Variants in LRRC37A2 observed in about 807,000 individuals in gnomAD.
LRRC37A2 encodes leucine rich repeat containing 37 member A2, also known as leucine-rich repeat-containing protein 37A2.
In LRRC37A2, 9 loss-of-function variants were observed where a neutral mutation model predicts 68.8. That is an observed-to-expected ratio of 0.13 (90% CI 0.08 to 0.23). LRRC37A2 has a LOEUF of 0.23. LRRC37A2 is among the 10% of genes least tolerant of loss of function. The pLI, the probability that LRRC37A2 is intolerant of heterozygous loss-of-function variation, is 1.00. For missense variants in LRRC37A2, 168 were observed against 950.4 expected, an observed-to-expected ratio of 0.18 and a Z score of 10.82; for synonymous variants, 63 against 367.6, an observed-to-expected ratio of 0.17 and a Z score of 9.48.
At chr17:46,415,832 A>T in the LRRC37A2 span, among the ~76,000 whole-genome samples, 2 of 45,920 alleles carry the variant, frequency 4.4e-5, no homozygotes, top group African/African-American at 6.9e-5. Flanking sequence ...CTAATTTTTT[A>T]ATTTTGTGTA....
chr17:46,492,932 G>T, the LRRC37A2 span, among the ~76,000 whole-genome samples: 3 of 149,256 alleles, frequency 2.0e-5, no homozygotes, highest in Admixed American at 6.6e-5. Context: ...CTGACCTCGT[G>T]ATCCGCCCGC....
At chr17:46,792,053 AG>A in the LRRC37A2 span, among the ~76,000 whole-genome samples, 1 of 152,242 alleles carries the variant, frequency 6.6e-6, no homozygotes, top group East Asian at 1.9e-4. Flanking sequence ...ACAAAACAAA[AG>A]AAAACAACTC....
At chr17:46,744,863 A>G in the LRRC37A2 span, among the ~76,000 whole-genome samples, 1 of 152,206 alleles carries the variant, frequency 6.6e-6, no homozygotes, top group African/African-American at 2.4e-5. Context: ...GTTGCTGCTT[A>G]TGGTACTAAG....
the LRRC37A2 span, among the ~76,000 whole-genome samples, chr17:46,957,613 AAAACAAAC>A: frequency 1.7e-4 from 25 of 151,402 alleles, no homozygotes; most frequent in Non-Finnish European, 2.1e-4. Context: ...ACTTGGTCTC[AAAACAAAC>A]AAACAAACAA....
the LRRC37A2 span, among the ~76,000 whole-genome samples, chr17:46,724,826 T>C: frequency 2.0e-5 from 3 of 152,160 alleles, no homozygotes; most frequent in Non-Finnish European, 4.4e-5. Context: ...TAGGCCTTTT[T>C]TTCTTCTTCT....
At chr17:46,839,479 G>T in the LRRC37A2 span, among the ~76,000 whole-genome samples, 3 of 152,212 alleles carry the variant, frequency 2.0e-5, no homozygotes, top group African/African-American at 7.2e-5. Context: ...CACAACGCAG[G>T]CGTCAAGGCA....
the LRRC37A2 span, among the ~76,000 whole-genome samples, chr17:46,926,437 A>G: frequency 2.0e-5 from 3 of 152,070 alleles, no homozygotes; most frequent in African/African-American, 7.3e-5. Context: ...TTCTTCCTAG[A>G]TCTTCTGTAA....
At chr17:46,983,126 G>A in the LRRC37A2 span, among the ~76,000 whole-genome samples, 1 of 152,046 alleles carries the variant, frequency 6.6e-6, no homozygotes, top group Non-Finnish European at 1.5e-5. Context: ...TTCCTGGGCT[G>A]GTGCTGTAGG....
the LRRC37A2 span, among the ~76,000 whole-genome samples, chr17:46,721,077 G>C: frequency 6.6e-6 from 1 of 152,276 alleles, no homozygotes; most frequent in African/African-American, 2.4e-5. Context: ...ACCACATTCA[G>C]ACCTGCCCCT....
the LRRC37A2 span, among the ~76,000 whole-genome samples, chr17:46,855,912 C>G: frequency 6.6e-6 from 1 of 152,290 alleles, no homozygotes; most frequent in Admixed American, 6.5e-5. Context: ...TGGTCTGGAA[C>G]TCCTGACCTC....
the LRRC37A2 span, among the ~76,000 whole-genome samples, chr17:46,796,537 T>A: frequency 8.6e-5 from 13 of 151,860 alleles, no homozygotes; most frequent in Non-Finnish European, 1.8e-4. Flanking sequence ...TCAGAAGGAG[T>A]TGGATGAGAG....
At chr17:46,994,387 A>G in the LRRC37A2 span, among the ~76,000 whole-genome samples, 1 of 150,582 alleles carries the variant, frequency 6.6e-6, no homozygotes, top group Non-Finnish European at 1.5e-5. Flanking sequence ...CTCCATCTCA[A>G]AAAAAAAGAA....
the LRRC37A2 span, among the ~76,000 whole-genome samples, chr17:46,771,828 G>GT: frequency 1.4e-5 from 2 of 144,450 alleles, no homozygotes; most frequent in Non-Finnish European, 3.1e-5. Flanking sequence ...CGGCCGCGCG[G>GT]TGGGGGGGCG....
chr17:46,796,610 G>A, the LRRC37A2 span, among the ~76,000 whole-genome samples: 2 of 152,318 alleles, frequency 1.3e-5, no homozygotes, highest in South Asian at 2.1e-4. Context: ...TTCCTGCCCC[G>A]CAGGGGCTCC....
chr17:46,799,913 T>G, the LRRC37A2 span, among the ~76,000 whole-genome samples: 2 of 152,154 alleles, frequency 1.3e-5, no homozygotes, highest in Non-Finnish European at 2.9e-5. Context: ...CACAGGTGGT[T>G]CTGTCACAGA....
the LRRC37A2 span, among the ~76,000 whole-genome samples, chr17:46,649,198 AT>A: frequency 3.4e-5 from 4 of 117,604 alleles, no homozygotes; most frequent in African/African-American, 1.5e-4. Context: ...AAAGGCCTGG[AT>A]TCCAAGGGCT....
the LRRC37A2 span, among the ~76,000 whole-genome samples, chr17:47,046,204 C>T: frequency 7.3e-6 from 1 of 136,942 alleles, no homozygotes; most frequent in African/African-American, 2.7e-5. Flanking sequence ...ATTAGCTGGG[C>T]ATGGTGGTGC....
At chr17:46,690,529 G>A in the LRRC37A2 span, among the ~76,000 whole-genome samples, 11,674 of 65,148 alleles carry the variant, frequency 0.18, 18 homozygotes, top group Non-Finnish European at 0.24. Flanking sequence ...GGAGAATGGC[G>A]TGAACCCGGG....
At chr17:46,516,342 T>C (rs2144746641) in intron 2 of LRRC37A2, among the ~76,000 whole-genome samples, 1 of 110,734 alleles carries the variant, frequency 9.0e-6, no homozygotes, top group Non-Finnish European at 2.0e-5. Flanking sequence ...AGAATAGGCA[T>C]AAAAAGGGAG....
Sources: allele counts gnomAD v4.1 joint callset (sites outside exome capture counted in the v4.1 genomes callset), GRCh38; gene constraint gnomAD v4.1.1; transcripts MANE v1.5; gene names NCBI Gene and HGNC (gene_info 2026-07-23, HGNC 2026-07-21).